Variants in TLR1 observed in about 807,000 individuals in gnomAD.
TLR1 encodes the protein toll like receptor 1, also known as toll-like receptor 1.
A neutral mutation model predicts 20.2 loss-of-function variants in TLR1; 19 were observed. The ratio of observed to expected loss-of-function variants is 0.94; its 90% CI spans 0.66 to 1.38. The LOEUF is 1.38. TLR1 is among the 40% of genes most tolerant of loss of function. The pLI, the probability that TLR1 is intolerant of heterozygous loss-of-function variation, is 0.00. For missense variants in TLR1, 921 were observed against 910.0 expected (o/e 1.01, Z -0.16); for synonymous variants, 320 against 334.5 (o/e 0.96, Z 0.47).
chr4:38,789,178 C>G (rs1457233786), downstream of TLR1, among the ~76,000 whole-genome samples: 1 of 152,180 alleles, frequency 6.6e-6, no homozygotes, highest in African/African-American at 2.4e-5. Flanking sequence ...TGGTATACTG[C>G]ACTTTTCTTT....
chr4:38,790,476 C>A (rs1725689251), downstream of TLR1, among the ~76,000 whole-genome samples: 1 of 152,050 alleles, frequency 6.6e-6, no homozygotes, highest in African/African-American at 2.4e-5. Flanking sequence ...TGTATGTAAC[C>A]TGGTTTCTTT....
Position 38,796,534 on chromosome 4 carries a change from G to C in TLR1, c.2298C>G (p.Gly766=), listed in dbSNP as rs768946074. 3.1e-6 allele frequency: 5 copies of C among 1,614,138 alleles called. No individual in the cohort carries two copies. The South Asian group carries it at 5.5e-5, about 18-fold the overall frequency. Reference sequence around the variant, plus strand: ...CTGCCCTTAAGTTAGCCCAAAAAAGGCCACGTTTGCTCTTTTCCTTGGGCC... The same window carrying C: ...CTGCCCTTAAGTTAGCCCAAAAAAGCCCACGTTTGCTCTTTTCCTTGGGCC... ...LEWPKEKSKR[G]LFWANLRAAI... The change falls in exon 4 of 4, where the codon GGC becomes GGG. Residue 766 remains glycine (G), a synonymous_variant. Coordinates refer to ENST00000308979, the MANE Select transcript of TLR1 (RefSeq NM_003263.4).
chr4:38,797,418 C>A lies in TLR1; in HGVS notation c.1414G>T (p.Glu472Ter), dbSNP rs773733396. 3 of 1,614,190 alleles carry A rather than the reference C, an allele frequency of 1.9e-6. No homozygotes were observed. Among genetic ancestry groups the A allele is most frequent in the Non-Finnish European group, 2.5e-6 (3 of 1,180,028 alleles). The change falls in exon 4 of 4, where the codon GAA becomes TAA. Residue 472 changes from glutamate (E) to a stop codon, truncating the protein, a stop_gained. Coordinates refer to ENST00000308979, the MANE Select transcript of TLR1 (RefSeq NM_003263.4). LOFTEE classifies it high-confidence loss of function. Reference sequence around the variant, plus strand: ...AAAGAATTGAAAGCAACATTGAGTTCTTGCAAAGCTTCCAGTTTTACGACT... The same window carrying A: ...AAAGAATTGAAAGCAACATTGAGTTATTGCAAAGCTTCCAGTTTTACGACT... ...KQVVKLEALQ[E>*]LNVAFNSLTD... is the part of the protein sequence containing the mutation.
rs1726918610 is a variant in TLR1, at chr4:38,804,788, C to A, written c.-271G>T. On this transcript the variant is annotated 5_prime_UTR_variant, in exon 1 of 4. Coordinates refer to ENST00000308979, the MANE Select transcript of TLR1 (RefSeq NM_003263.4). ...CTGCTTGTCTGTTCCATTTGGCAGT[C>A]TGTAAGAAATTCAAGCACTTCCTTG... The A allele has an allele frequency of 6.6e-6, 1 of 151,776 alleles. No homozygotes were observed. The allele number at this position is 151,776 out of a possible 1,614,324, so 9.4% of individuals were successfully genotyped here. A position where few individuals can be genotyped will look rare whatever the true frequency, so the allele number is the denominator to read the frequency against.
At chr4:38,790,272 C>A (rs564331118), downstream of TLR1, among the ~76,000 whole-genome samples, 1 of 152,238 alleles carries the variant, frequency 6.6e-6, no homozygotes, top group South Asian at 2.1e-4. Flanking sequence ...AGTAGTTTCC[C>A]GAAAGAATGC....
downstream of TLR1, chr4:38,794,689 G>A (rs560942565): frequency 2.0e-5 from 3 of 148,046 alleles, no homozygotes; most frequent in South Asian, 4.2e-4. Context: ...CTCAATTTAA[G>A]CAACCTCTGA....
chr4:38,796,634 G>C lies in TLR1; in HGVS notation c.2198C>G (p.Pro733Arg), dbSNP rs5743621. The C allele has an allele frequency of 6.2e-7, 1 of 1,614,154 alleles. No individual in the cohort carries two copies. The highest frequency in any genetic ancestry group is 1.7e-5 in the Admixed American group (1 of 60,020). The change falls in exon 4 of 4, where the codon CCC becomes CGC. Residue 733 changes from proline to arginine, a missense_variant. Transcript: ENST00000308979. ...GCTAGGAATGGAGTACTGCGGAATG[G>C]GTTCCAGCAAGATCAGGATTAAGCT... is the stretch of plus-strand genomic sequence containing the variant. ...SNSLILILLE[P>R]IPQYSIPSSY...
At position 38,797,887 on chromosome 4, in the gene TLR1, C is replaced by G; in HGVS notation, c.945G>C (p.Pro315=). Residue 315 remains proline, a synonymous_variant, in exon 4 of 4, where the codon CCG becomes CCC. Coordinates refer to ENST00000308979, the MANE Select transcript of TLR1 (RefSeq NM_003263.4). ...HQVVSDVFGF[P]QSYIYEIFSN... ...AAAAGATTTCATAGATATAACTTTG[C>G]GGAAAACCGAACACATCGCTGACAA... 6.2e-7 allele frequency: 1 copy of G among 1,613,850 alleles called. No individual in the cohort carries two copies. The highest frequency in any genetic ancestry group is 8.5e-7 in the Non-Finnish European group (1 of 1,179,802).
chr4:38,792,003 C>A (rs988080545), downstream of TLR1, among the ~76,000 whole-genome samples: 2 of 152,136 alleles, frequency 1.3e-5, no homozygotes, highest in Admixed American at 1.3e-4. Flanking sequence ...TAGCCATGAC[C>A]CTGAGATAAG....
At chr4:38,795,842 C>A (rs1055794989), downstream of TLR1, among the ~76,000 whole-genome samples, 5 of 152,134 alleles carry the variant, frequency 3.3e-5, no homozygotes, top group African/African-American at 9.7e-5. Context: ...GTAAAGTATA[C>A]CCCATTTTTT....
chr4:38,789,624 G>A (rs892957943), downstream of TLR1, among the ~76,000 whole-genome samples: 16 of 152,052 alleles, frequency 1.1e-4, no homozygotes, highest in African/African-American at 2.2e-4. Context: ...AACCATGCCC[G>A]GCTAATTTTT....
In TLR1 at chr4:38,797,110, T is replaced by G; in HGVS notation, c.1722A>C (p.Glu574Asp). ...GTLLKDFHMS[E>D]LSCNITLLIV... is the part of the protein sequence containing the mutation. Reference sequence around the variant, plus strand: ...TCAGCAGAGTTATGTTGCAGGATAATTCAGACATGTGAAAGTCCTTTAGTA... The same window carrying G: ...TCAGCAGAGTTATGTTGCAGGATAAGTCAGACATGTGAAAGTCCTTTAGTA... The change falls in exon 4 of 4, where the codon GAA becomes GAC. Residue 574 changes from glutamate (E) to aspartate (D), a missense_variant. Physicochemically the swap from Glu to Asp is conservative, Grantham distance 45 (BLOSUM62 2). Coordinates refer to ENST00000308979, the MANE Select transcript of TLR1 (RefSeq NM_003263.4). 6.2e-7 allele frequency: 1 copy of G among 1,614,224 alleles called. No individual in the cohort carries two copies. Among genetic ancestry groups the G allele is most frequent in the Non-Finnish European group, 8.5e-7 (1 of 1,180,044 alleles).
In TLR1 at chr4:38,796,592, T is replaced by C. The variant is rs1726073491; in HGVS notation, c.2240A>G (p.Lys747Arg). 2 of 1,614,212 alleles carry C rather than the reference T, an allele frequency of 1.2e-6. No individual in the cohort carries two copies. Among genetic ancestry groups the C allele is most frequent in the South Asian group, 2.2e-5 (2 of 91,088 alleles). ...YSIPSSYHKLKSLMARRTYLE... is the reference protein window; with the variant it reads ...YSIPSSYHKLRSLMARRTYLE... ...ATAAGTCCTCCTGGCCATGAGACTT[T>C]TGAGCTTGTGATAACTGCTAGGAAT... Residue 747 changes from lysine to arginine, a missense_variant, in exon 4 of 4, where the codon AAA becomes AGA. Lys to Arg is a conservative substitution (Grantham distance 26). Coordinates refer to ENST00000308979, the MANE Select transcript of TLR1 (RefSeq NM_003263.4).
chr4:38,790,628 C>T (rs1725693041), downstream of TLR1: 1 of 151,934 alleles, frequency 6.6e-6, no homozygotes, highest in African/African-American at 2.4e-5. Context: ...AGTGGGATTT[C>T]TCCGTCTTAT....
rs752264974 is a variant in TLR1 at position 38,798,795 on chromosome 4, A to G, written c.37T>C (p.Leu13=). 3.1e-5 allele frequency: 49 copies of G among 1,603,560 alleles called. No individual in the cohort carries two copies. The highest frequency in any genetic ancestry group is 4.1e-5 in the Non-Finnish European group (48 of 1,175,866). Residue 13 remains leucine (L), a synonymous_variant, in exon 4 of 4, where the codon TTA becomes CTA. Transcript: ENST00000308979. ...SIFHFAIIFM[L]ILQIRIQLSE... Reference sequence around the variant, plus strand: ...AATTGTATTCTGATCTGAAGTATTAACATGAAGATAATGGCAAAATGGAAG... The same window carrying G: ...AATTGTATTCTGATCTGAAGTATTAGCATGAAGATAATGGCAAAATGGAAG...
At position 38,798,041 on chromosome 4, in the gene TLR1, A is replaced by G. The variant is rs1304983113; in HGVS notation, c.791T>C (p.Ile264Thr). The G allele has an allele frequency of 1.2e-6, 2 of 1,613,922 alleles. No homozygotes were observed. The highest frequency in any genetic ancestry group is 4.5e-5 in the East Asian group (2 of 44,888). ...AGTTGTATGCCAAACCAGCTGGAGG[A>G]TCCTAATGAAAGAATTCCAAGTTGT... Reference protein sequence around the residue: ...IETTWNSFIRILQLVWHTTVW... With the variant: ...IETTWNSFIRTLQLVWHTTVW... The change falls in exon 4 of 4, where the codon ATC becomes ACC. Residue 264 changes from isoleucine to threonine, a missense_variant. Physicochemically the swap from Ile to Thr is moderately conservative, Grantham distance 89 (BLOSUM62 -1). Coordinates refer to ENST00000308979, the MANE Select transcript of TLR1 (RefSeq NM_003263.4).
At position 38,796,712 on chromosome 4, in the gene TLR1, C is replaced by T. The variant is rs770733242; in HGVS notation, c.2120G>A (p.Cys707Tyr). The change falls in exon 4 of 4, where the codon TGC becomes TAC. Residue 707 changes from cysteine (C) to tyrosine (Y), a missense_variant. By Grantham distance (194) the Cys-to-Tyr change is radical. Transcript: ENST00000308979. ...LSPNFVQSEW[C>Y]HYELYFAHHN... is the part of the protein sequence containing the mutation. The stretch of plus-strand genomic sequence containing the variant: ...ATGGGCAAAGTAGAGTTCATAATGG[C>T]ACCATTCACTCTGGACAAAGTTGGG... The T allele has an allele frequency of 3.7e-6, 6 of 1,614,044 alleles. No individual in the cohort carries two copies. The East Asian group carries it at 1.3e-4, about 36-fold the overall frequency.
chr4:38,798,841 C>T lies in TLR1; in HGVS notation c.-10G>A, dbSNP rs1726426417. On this transcript the variant is annotated 5_prime_UTR_variant, in exon 4 of 4. The change creates a new upstream start codon in the 5' untranslated region. Coordinates refer to ENST00000308979, the MANE Select transcript of TLR1 (RefSeq NM_003263.4). ...GGAAGATGCTAGTCATTTTGGAACACTAGACATTCCTAAAGGTAGAAGCTG... is the reference window on the plus strand; with the variant it reads ...GGAAGATGCTAGTCATTTTGGAACATTAGACATTCCTAAAGGTAGAAGCTG... 2.6e-6 allele frequency: 4 copies of T among 1,561,838 alleles called. No homozygotes were observed. Among genetic ancestry groups the T allele is most frequent in the Non-Finnish European group, 3.5e-6 (4 of 1,153,202 alleles).
chr4:38,795,342 G>A (rs1411617304), downstream of TLR1, among the ~76,000 whole-genome samples: 1 of 152,180 alleles, frequency 6.6e-6, no homozygotes, highest in Non-Finnish European at 1.5e-5. Flanking sequence ...GCCCAGAGCT[G>A]GCTGCTGGAG....
Sources: gnomAD v4.1 joint callset for allele counts (sites outside exome capture counted in the v4.1 genomes callset) on GRCh38, gnomAD v4.1.1 for gene constraint, MANE v1.5 for transcripts, NCBI Gene and HGNC (gene_info 2026-07-23, HGNC 2026-07-21) for gene names.